The following DLC1 variants were observed in gnomAD, a reference collection of about 807,000 sequenced individuals.
DLC1 encodes the protein rho GTPase-activating protein 7.
DLC1 carries 54 observed loss-of-function variants against 140.3 expected under a neutral mutation model. That is an observed-to-expected ratio of 0.38 (90% CI 0.31 to 0.48). DLC1 has a LOEUF of 0.48. DLC1 is among the 20% of genes least tolerant of loss of function. The pLI is 0.96. For synonymous variants in DLC1, 986 were observed against 728.1 expected (o/e 1.35, Z -5.70); for missense variants, 2,536 against 1,907.0 (o/e 1.33, Z -6.14).
chr8:13,224,538 T>C (rs757899337), intron 5 of DLC1, among the ~76,000 whole-genome samples: 1 of 152,198 alleles, frequency 6.6e-6, no homozygotes, highest in South Asian at 2.1e-4. Context: ...TTAACGTGTG[T>C]ATCACTGTCT....
At chr8:13,207,370 A>G (rs1202122503) in intron 5 of DLC1, among the ~76,000 whole-genome samples, 1 of 152,078 alleles carries the variant, frequency 6.6e-6, no homozygotes, top group Admixed American at 6.6e-5. Flanking sequence ...AAAAAGTTGT[A>G]TTTTGTCCGT....
chr8:13,402,868 G>A (rs1837360766), intron 2 of DLC1, among the ~76,000 whole-genome samples: 1 of 152,146 alleles, frequency 6.6e-6, no homozygotes, highest in South Asian at 2.1e-4. Context: ...AATTTTGTGG[G>A]TTAATCTAAT....
At chr8:13,225,214 T>C (rs996250884) in intron 5 of DLC1, among the ~76,000 whole-genome samples, 1 of 152,260 alleles carries the variant, frequency 6.6e-6, no homozygotes, top group Admixed American at 6.5e-5. Flanking sequence ...TTAAAAGTGA[T>C]TCTTGACAGA....
intron 4 of DLC1, among the ~76,000 whole-genome samples, chr8:13,380,354 T>G (rs1181008670): frequency 3.9e-5 from 6 of 152,244 alleles, no homozygotes; most frequent in African/African-American, 1.2e-4. Context: ...TAAGTCAATA[T>G]TCAAACTATT....
At chr8:13,126,112 G>T (rs900300415) in intron 5 of DLC1, among the ~76,000 whole-genome samples, 3 of 152,142 alleles carry the variant, frequency 2.0e-5, no homozygotes, top group Non-Finnish European at 2.9e-5. Context: ...AGCTCTGGAT[G>T]AATTTGAGCC....
intron 1 of DLC1, chr8:13,558,245 G>T (rs889530957): frequency 1.3e-5 from 2 of 152,144 alleles, no homozygotes; most frequent in Non-Finnish European, 1.5e-5. Context: ...TTACAAGAAT[G>T]ACCCAATTTG....
chr8:13,441,372 G>A (rs998005216), intron 2 of DLC1, among the ~76,000 whole-genome samples: 2 of 152,188 alleles, frequency 1.3e-5, no homozygotes, highest in Non-Finnish European at 2.9e-5. Flanking sequence ...AATCAGGCAG[G>A]AGAAGGAAAT....
At chr8:13,331,247 C>G (rs976431738) in intron 4 of DLC1, among the ~76,000 whole-genome samples, 3 of 152,178 alleles carry the variant, frequency 2.0e-5, no homozygotes, top group Non-Finnish European at 4.4e-5. Flanking sequence ...ACCACATTGG[C>G]TACTCTGGAA....
At chr8:13,430,859 T>C (rs1181770205) in intron 2 of DLC1, among the ~76,000 whole-genome samples, 7 of 152,262 alleles carry the variant, frequency 4.6e-5, no homozygotes, top group Admixed American at 4.6e-4. Flanking sequence ...GATTATATTA[T>C]GCTTGAATAA....
intron 5 of DLC1, among the ~76,000 whole-genome samples, chr8:13,122,570 C>G (rs1821185063): frequency 1.3e-5 from 2 of 152,174 alleles, no homozygotes; most frequent in South Asian, 4.2e-4. Context: ...TTACTCTTTG[C>G]AATTAAAAAA....
At chr8:13,204,446 A>G (rs79925107) in intron 5 of DLC1, among the ~76,000 whole-genome samples, 28 of 152,314 alleles carry the variant, frequency 1.8e-4, no homozygotes, top group Middle Eastern at 3.4e-3. Context: ...TATTTTGCTG[A>G]TGAGTATTAA....
chr8:13,251,181 C>G (rs1454628435), intron 5 of DLC1, among the ~76,000 whole-genome samples: 1 of 152,176 alleles, frequency 6.6e-6, no homozygotes, highest in Non-Finnish European at 1.5e-5. Context: ...TTCTTATTGG[C>G]TTAGGGCCCC....
At chr8:13,300,360 G>C (rs933328077) in intron 5 of DLC1, among the ~76,000 whole-genome samples, 2 of 152,144 alleles carry the variant, frequency 1.3e-5, no homozygotes, top group African/African-American at 4.8e-5. Flanking sequence ...GGGTTGATAG[G>C]TGCAGCAAAC....
chr8:13,139,288 C>CAAAAAAAAAA (rs67684524), intron 5 of DLC1, among the ~76,000 whole-genome samples: 2 of 49,288 alleles, frequency 4.1e-5, no homozygotes, highest in Non-Finnish European at 7.3e-5. Flanking sequence ...GACCCTGTCT[C>CAAAAAAAAAA]AAAAAAAAAA....
chr8:13,413,328 A>G (rs1296906972), intron 2 of DLC1, among the ~76,000 whole-genome samples: 2 of 127,966 alleles, frequency 1.6e-5, no homozygotes, highest in Non-Finnish European at 3.2e-5. Flanking sequence ...GGCCCAAGAT[A>G]ATTCTTCTTC....
chr8:13,369,954 CCCT>C (rs1382756885), intron 4 of DLC1, among the ~76,000 whole-genome samples: 2 of 151,214 alleles, frequency 1.3e-5, no homozygotes, highest in Non-Finnish European at 2.9e-5. Context: ...AAGTCAAAGT[CCCT>C]ACAAGGCCTC....
intron 5 of DLC1, among the ~76,000 whole-genome samples, chr8:13,283,712 C>A (rs1337076080): frequency 1.3e-5 from 2 of 151,994 alleles, no homozygotes; most frequent in African/African-American, 4.8e-5. Context: ...ATCAGATATC[C>A]CTATATTGCC....
At chr8:13,315,367 A>C (rs1368349724) in intron 4 of DLC1, among the ~76,000 whole-genome samples, 1 of 152,250 alleles carries the variant, frequency 6.6e-6, no homozygotes, top group Non-Finnish European at 1.5e-5. Context: ...GGTGCTTTCA[A>C]AGTGGTAAAT....
At chr8:13,188,603 C>CT (rs769280491) in intron 5 of DLC1, among the ~76,000 whole-genome samples, 5,468 of 116,156 alleles carry the variant, frequency 0.047, 359 homozygotes, top group African/African-American at 0.1. Context: ...ATGTCTATTA[C>CT]TTTTTTTTTT....
Sources: gnomAD v4.1 joint callset for allele counts (sites outside exome capture counted in the v4.1 genomes callset) on GRCh38, gnomAD v4.1.1 for gene constraint, MANE v1.5 for transcripts, NCBI Gene and HGNC (gene_info 2026-07-23, HGNC 2026-07-21) for gene names.